ADGRL2: variants seen among roughly 807,000 people sequenced by gnomAD.
ADGRL2 encodes the protein calcium-independent alpha-latrotoxin receptor 2.
ADGRL2 carries 44 observed loss-of-function variants against 157.4 expected under a neutral mutation model. That is an observed-to-expected ratio of 0.28 (90% CI 0.22 to 0.36). The LOEUF is 0.36. ADGRL2 is among the 10% of genes least tolerant of loss of function. The pLI is 1.00. For missense variants in ADGRL2, 1,510 were observed against 1,768.9 expected, an observed-to-expected ratio of 0.85 and a Z score of 2.63; for synonymous variants, 585 against 624.7, an observed-to-expected ratio of 0.94 and a Z score of 0.95.
intron 1 of ADGRL2, among the ~76,000 whole-genome samples, chr1:81,395,362 C>T (rs1019608125): frequency 2.0e-5 from 3 of 152,038 alleles, no homozygotes; most frequent in Non-Finnish European, 4.4e-5. Flanking sequence ...AACTCATTTA[C>T]CTATTTTCAA....
chr1:81,599,112 T>C (rs1245202845), intron 3 of ADGRL2, among the ~76,000 whole-genome samples: 1 of 152,204 alleles, frequency 6.6e-6, no homozygotes, highest in Non-Finnish European at 1.5e-5. Flanking sequence ...TGCTACAACT[T>C]CTTACAATAA....
intron 2 of ADGRL2, among the ~76,000 whole-genome samples, chr1:81,896,232 A>G (rs1413492966): frequency 6.6e-6 from 1 of 152,208 alleles, no homozygotes; most frequent in African/African-American, 2.4e-5. Flanking sequence ...TTAATTTGCT[A>G]GGACAATGCG....
At chr1:81,375,469 A>C (rs542192673) in intron 1 of ADGRL2, among the ~76,000 whole-genome samples, 1 of 152,244 alleles carries the variant, frequency 6.6e-6, no homozygotes, top group Admixed American at 6.5e-5. Flanking sequence ...TTTATCAATT[A>C]AGAAGCTATG....
chr1:81,863,711 T>C (rs543616609), intron 2 of ADGRL2, among the ~76,000 whole-genome samples: 1 of 152,294 alleles, frequency 6.6e-6, no homozygotes, highest in African/African-American at 2.4e-5. Context: ...TATCATATAT[T>C]GAGTGCAAGC....
chr1:81,839,431 T>A (rs183632060), intron 2 of ADGRL2, among the ~76,000 whole-genome samples: 1 of 152,134 alleles, frequency 6.6e-6, no homozygotes, highest in Non-Finnish European at 1.5e-5. Flanking sequence ...TGGTATTTGA[T>A]TACATAAGTT....
At chr1:81,809,323 G>A (rs2089563090) in intron 1 of ADGRL2, among the ~76,000 whole-genome samples, 1 of 151,890 alleles carries the variant, frequency 6.6e-6, no homozygotes, top group Admixed American at 6.6e-5. Context: ...AAATTGGGTA[G>A]GTTAGGCAGA....
At chr1:81,362,119 G>T (rs1477140838) in intron 1 of ADGRL2, among the ~76,000 whole-genome samples, 1 of 151,888 alleles carries the variant, frequency 6.6e-6, no homozygotes, top group African/African-American at 2.4e-5. Flanking sequence ...CCCTCCATGG[G>T]ATTGCTTCCT....
intron 3 of ADGRL2, among the ~76,000 whole-genome samples, chr1:81,922,592 ATAT>A (rs2095010219): frequency 6.6e-6 from 1 of 152,148 alleles, no homozygotes; most frequent in Admixed American, 6.6e-5. Flanking sequence ...ATCTGTATAG[ATAT>A]TATTCAGATG....
chr1:81,632,487 G>T (rs558566183), intron 3 of ADGRL2, among the ~76,000 whole-genome samples: 1 of 152,080 alleles, frequency 6.6e-6, no homozygotes, highest in Admixed American at 6.6e-5. Flanking sequence ...GGCCCGGCAC[G>T]GTGGCTTATG....
chr1:81,712,860 T>C (rs1409614153), intron 1 of ADGRL2, among the ~76,000 whole-genome samples: 1 of 148,798 alleles, frequency 6.7e-6, no homozygotes, highest in East Asian at 2.0e-4. Flanking sequence ...CCTCCCGGGT[T>C]CAAGTGATTC....
intron 1 of ADGRL2, among the ~76,000 whole-genome samples, chr1:81,319,470 T>C (rs532499554): frequency 6.6e-6 from 1 of 152,204 alleles, no homozygotes; most frequent in East Asian, 1.9e-4. Context: ...AGATTTCTCA[T>C]CAAACTAAGA....
chr1:81,955,024 A>G (rs1012533121), intron 10 of ADGRL2, among the ~76,000 whole-genome samples: 15 of 152,212 alleles, frequency 9.9e-5, no homozygotes, highest in Non-Finnish European at 1.3e-4. Flanking sequence ...GCGTAGCTAC[A>G]GAGTGTAGGA....
At chr1:81,651,362 G>T (rs1177315991) in intron 3 of ADGRL2, among the ~76,000 whole-genome samples, 4 of 152,118 alleles carry the variant, frequency 2.6e-5, no homozygotes, top group Admixed American at 1.3e-4. Context: ...AAAGTAGGTT[G>T]GGGCAGAGTC....
In ADGRL2 at chr1:81,447,763, G is replaced by A. The variant is rs114954973; in HGVS notation, c.-248+2674G>A. On this transcript the variant is annotated intron_variant, in intron 2 of 24. Coordinates refer to the ADGRL2 transcript ENST00000370721. Reference sequence around the variant, plus strand: ...TATTTATCTTTCCTTACATGTATGCGTATGCCTCTCATATGGTTTGTATCT... The same window carrying A: ...TATTTATCTTTCCTTACATGTATGCATATGCCTCTCATATGGTTTGTATCT... 3.5e-3 allele frequency among the ~76,000 whole-genome samples: 527 copies of A among 152,210 alleles called. 4 individuals carry two copies. The highest frequency in any genetic ancestry group is 0.012 in the African/African-American group (489 of 41,524).
chr1:81,638,323 A>T (rs2082152569), intron 3 of ADGRL2, among the ~76,000 whole-genome samples: 1 of 152,208 alleles, frequency 6.6e-6, no homozygotes, highest in Admixed American at 6.5e-5. Flanking sequence ...AGAAACTCAG[A>T]TCTACATAAA....
At chr1:81,697,577 A>T (rs1214359564), upstream of ADGRL2, among the ~76,000 whole-genome samples, 2 of 152,178 alleles carry the variant, frequency 1.3e-5, no homozygotes, top group African/African-American at 4.8e-5. Context: ...TGACTGACCC[A>T]TAGTAGCCGC....
At chr1:81,660,848 T>C (rs185758128) in intron 3 of ADGRL2, among the ~76,000 whole-genome samples, 3 of 152,292 alleles carry the variant, frequency 2.0e-5, no homozygotes, top group Admixed American at 6.5e-5. Flanking sequence ...TGCAATTATA[T>C]GACAGATAAA....
At chr1:81,633,734 A>C (rs1301733067) in intron 3 of ADGRL2, among the ~76,000 whole-genome samples, 1 of 151,918 alleles carries the variant, frequency 6.6e-6, no homozygotes, top group African/African-American at 2.4e-5. Context: ...TTCCTCTCTC[A>C]TCCTCATCTA....
intron 3 of ADGRL2, among the ~76,000 whole-genome samples, chr1:81,917,746 C>A (rs183096445): frequency 3.3e-4 from 50 of 152,198 alleles, no homozygotes; most frequent in African/African-American, 1.2e-3. Flanking sequence ...TGAGATGATT[C>A]CAGTGGTCTT....
Sources: allele counts gnomAD v4.1 joint callset (sites outside exome capture counted in the v4.1 genomes callset), GRCh38; gene constraint gnomAD v4.1.1; transcripts MANE v1.5; gene names NCBI Gene and HGNC (gene_info 2026-07-23, HGNC 2026-07-21).